EMB: variants seen among roughly 807,000 people sequenced by gnomAD.
EMB encodes the protein embigin.
A neutral mutation model predicts 41.4 loss-of-function variants in EMB; 31 were observed. The ratio of observed to expected loss-of-function variants is 0.75; its 90% CI spans 0.56 to 1.01. The LOEUF (loss-of-function observed/expected upper bound fraction) is 1.01, where lower values mean the gene tolerates loss of function less well. Ranked by LOEUF, EMB falls within the 50% of genes least tolerant of loss-of-function variation. The pLI, the probability that EMB is intolerant of heterozygous loss-of-function variation, is 0.00. For synonymous variants in EMB, 137 were observed against 140.4 expected (o/e 0.98, Z 0.17); for missense variants, 379 against 388.3 (o/e 0.98, Z 0.20).
chr5:50,409,189 T>C (rs1020726927), intron 4 of EMB, among the ~76,000 whole-genome samples: 8 of 152,258 alleles, frequency 5.3e-5, no homozygotes, highest in African/African-American at 1.9e-4. Context: ...TCAAGAGGCC[T>C]TCCGTGTGAA....
At chr5:50,405,921 A>G (rs2271236) in intron 4 of EMB, 69 bp from the exon 5 acceptor site, 662,122 of 1,447,364 alleles carry the variant, frequency 0.46, 155,584 homozygotes, top group African/African-American at 0.67. Flanking sequence ...TAAATGTGCA[A>G]ATATTGTCTC....
At chr5:50,436,673 C>G (rs1745808131) in intron 1 of EMB, among the ~76,000 whole-genome samples, 1 of 152,210 alleles carries the variant, frequency 6.6e-6, no homozygotes, top group Non-Finnish European at 1.5e-5. Flanking sequence ...TGCTCAGGCC[C>G]TAATACTCCA....
rs1387379063 is a variant in EMB, at chr5:50,407,825, G to A, written c.473-1973C>T. 1.9e-4 allele frequency among the ~76,000 whole-genome samples: 29 copies of A among 151,960 alleles called. 1 individual carries two copies. Among genetic ancestry groups the A allele is most frequent in the Admixed American group, 1.9e-3 (29 of 15,200 alleles). ...GGAATAAACCAGGTTTGAAGGTGGT[G>A]AAATTGCTGATTCAGGCTAGTTTCT... On this transcript the variant is annotated intron_variant, in intron 4 of 8. Transcript: ENST00000303221.
chr5:50,425,237 G>A (rs529014252), intron 2 of EMB, among the ~76,000 whole-genome samples: 28 of 152,096 alleles, frequency 1.8e-4, no homozygotes, highest in Admixed American at 3.9e-4. Context: ...TAATCTTCCC[G>A]AATCTTACAT....
intron 1 of EMB, among the ~76,000 whole-genome samples, chr5:50,435,376 T>C (rs545210757): frequency 1.3e-5 from 2 of 152,280 alleles, no homozygotes; most frequent in East Asian, 3.9e-4. Flanking sequence ...AAAGTCCCTA[T>C]AACGCACTTG....
At chr5:50,413,352 T>C (rs1745375558) in intron 2 of EMB, among the ~76,000 whole-genome samples, 1 of 152,132 alleles carries the variant, frequency 6.6e-6, no homozygotes, top group Non-Finnish European at 1.5e-5. Flanking sequence ...AAAACAGAAT[T>C]ATGTCTCTCT....
At chr5:50,437,672 A>AT (rs1287174540) in intron 1 of EMB, among the ~76,000 whole-genome samples, 1 of 121,524 alleles carries the variant, frequency 8.2e-6, no homozygotes. Context: ...ATGGACTAAC[A>AT]ATGTCAGACA....
chr5:50,413,009 A>G (rs1002944035), intron 2 of EMB, among the ~76,000 whole-genome samples: 2 of 151,556 alleles, frequency 1.3e-5, no homozygotes, highest in African/African-American at 2.4e-5. Flanking sequence ...CTTCAGTTTA[A>G]CCCTCAAGTT....
At chr5:50,404,723 T>C (rs752121219) in intron 5 of EMB, among the ~76,000 whole-genome samples, 2 of 151,950 alleles carry the variant, frequency 1.3e-5, no homozygotes, top group Admixed American at 6.6e-5. Flanking sequence ...AAATTACATA[T>C]ACACAATGAC....
chr5:50,408,561 G>A (rs1368005092), intron 4 of EMB, among the ~76,000 whole-genome samples: 1 of 152,022 alleles, frequency 6.6e-6, no homozygotes, highest in Non-Finnish European at 1.5e-5. Flanking sequence ...CTGATGAATT[G>A]TTCTGAAGAC....
At chr5:50,416,019 G>T (rs1745424665) in intron 2 of EMB, among the ~76,000 whole-genome samples, 1 of 152,166 alleles carries the variant, frequency 6.6e-6, no homozygotes, top group Non-Finnish European at 1.5e-5. Context: ...CCTAATCGTT[G>T]TCTCACTGTT....
chr5:50,429,961 A>C (rs1579741670), intron 1 of EMB, among the ~76,000 whole-genome samples: 9 of 73,830 alleles, frequency 1.2e-4, no homozygotes, highest in South Asian at 5.4e-4. Context: ...ACCCTCCCCA[A>C]CTCTCTTTCT....
At chr5:50,409,429 C>T (rs1020777779) in intron 4 of EMB, among the ~76,000 whole-genome samples, 1 of 152,122 alleles carries the variant, frequency 6.6e-6, no homozygotes, top group South Asian at 2.1e-4. Context: ...CTTGGGAGCA[C>T]TTTAAGTCAC....
rs374252031 is a variant in EMB, at chr5:50,415,319, A to C, written c.197-3936T>G. Among the ~76,000 whole-genome samples the C allele has an allele frequency of 1.5e-4, 23 of 152,262 alleles. No homozygotes were observed. The East Asian group carries it at 4.3e-3, about 28-fold the overall frequency. On this transcript the variant is annotated intron_variant, in intron 2 of 8. Coordinates refer to ENST00000303221, the MANE Select transcript of EMB (RefSeq NM_198449.3). ...GGTTGGAGCAATTTAAGCAAAACTC[A>C]AATTGTTTAACTGCCTTGATTCTAT...
chr5:50,440,656 G>C (rs1222191888), intron 1 of EMB, among the ~76,000 whole-genome samples: 2 of 151,700 alleles, frequency 1.3e-5, no homozygotes, highest in Non-Finnish European at 2.9e-5. Context: ...TTGGGGAAAT[G>C]TGGCTTTCAA....
intron 1 of EMB, among the ~76,000 whole-genome samples, chr5:50,438,648 T>G (rs1745845100): frequency 6.6e-6 from 1 of 152,190 alleles, no homozygotes; most frequent in Non-Finnish European, 1.5e-5. Context: ...CAATATCCTT[T>G]GGCAAAGAGA....
chr5:50,413,527 C>G (rs1009011886), intron 2 of EMB, among the ~76,000 whole-genome samples: 1 of 151,876 alleles, frequency 6.6e-6, no homozygotes, highest in African/African-American at 2.4e-5. Flanking sequence ...TCAACAAAAT[C>G]CAGATTCTGG....
At chr5:50,437,895 GTAA>G (rs943378503) in intron 1 of EMB, among the ~76,000 whole-genome samples, 2 of 152,066 alleles carry the variant, frequency 1.3e-5, no homozygotes, top group African/African-American at 2.4e-5. Flanking sequence ...TCATGTAATA[GTAA>G]TAATAATGAT....
At chr5:50,404,509 G>A (rs1335024376) in intron 5 of EMB, among the ~76,000 whole-genome samples, 1 of 151,928 alleles carries the variant, frequency 6.6e-6, no homozygotes, top group Non-Finnish European at 1.5e-5. Context: ...CATGCTTAGA[G>A]TCAAATTAAG....
Sources: allele counts gnomAD v4.1 joint callset (sites outside exome capture counted in the v4.1 genomes callset), GRCh38; gene constraint gnomAD v4.1.1; transcripts MANE v1.5; gene names NCBI Gene and HGNC (gene_info 2026-07-23, HGNC 2026-07-21).